Variants in PCDH11X observed in about 807,000 individuals in gnomAD.
The protein encoded by PCDH11X is protocadherin-11 X-linked.
A neutral mutation model predicts 53.3 loss-of-function variants in PCDH11X; 18 were observed. The observed-to-expected ratio is 0.34, with a 90% CI of 0.23 to 0.50. The LOEUF is 0.50. Ranked by LOEUF, PCDH11X falls within the 20% of genes least tolerant of loss-of-function variation. The pLI, the probability that PCDH11X is intolerant of heterozygous loss-of-function variation, is 0.98. For missense variants in PCDH11X, 570 were observed against 1,032.4 expected, an observed-to-expected ratio of 0.55 and a Z score of 6.14; for synonymous variants, 279 against 393.3, an observed-to-expected ratio of 0.71 and a Z score of 3.44.
chrX:92,299,915 C>G (rs1455832212), intron 8 of PCDH11X, among the ~76,000 whole-genome samples: 6 of 106,038 alleles, frequency 5.7e-5, no homozygotes, highest in Admixed American at 1.0e-4. Context: ...AAATTGAGAT[C>G]TTTCTAAGTT....
chrX:92,082,693 A>G (rs1602856044), intron 6 of PCDH11X, among the ~76,000 whole-genome samples: 1 of 110,641 alleles, frequency 9.0e-6, no homozygotes, highest in Non-Finnish European at 1.9e-5. Flanking sequence ...CTTAAATATG[A>G]AATGCTTTGG....
intron 6 of PCDH11X, among the ~76,000 whole-genome samples, chrX:92,105,237 A>G (rs2064351954): frequency 9.0e-6 from 1 of 111,338 alleles, no homozygotes; most frequent in Admixed American, 9.5e-5. Context: ...GAAAGGAGAA[A>G]GAGGTTGAGG....
chrX:91,853,367 A>G (rs1334309898), intron 5 of PCDH11X, among the ~76,000 whole-genome samples: 15 of 109,363 alleles, frequency 1.4e-4, no homozygotes, highest in Non-Finnish European at 9.5e-5. Context: ...CCCACTTCAT[A>G]AATAGAATAT....
rs1928430777 is a variant in PCDH11X at position 92,620,912 on chromosome X, C to G, written c.*1972C>G. On this transcript the variant is annotated 3_prime_UTR_variant, in exon 11 of 11. Coordinates refer to ENST00000682573, the MANE Select transcript of PCDH11X (RefSeq NM_032968.5). ...ATTTGAATGTTTATTAAATTATTAT[C>G]ATACAAATGTGTTGATATTGTGGCT... The G allele has an allele frequency of 9.2e-6, 1 of 108,698 alleles. No individual in the cohort carries two copies. The highest frequency in any genetic ancestry group is 1.0e-4 in the Admixed American group (1 of 9,989). The allele number at this position is 108,698 out of a possible 1,213,427, so 9.0% of individuals were successfully genotyped here.
chrX:91,937,128 T>C (rs1395331505), intron 6 of PCDH11X, among the ~76,000 whole-genome samples: 4 of 109,615 alleles, frequency 3.6e-5, no homozygotes, highest in African/African-American at 1.3e-4. Context: ...CTGACTTTTT[T>C]CATTCAACTG....
intron 4 of PCDH11X, among the ~76,000 whole-genome samples, chrX:91,822,197 C>A (rs1484953544): frequency 9.1e-6 from 1 of 109,995 alleles, no homozygotes; most frequent in East Asian, 2.8e-4. Flanking sequence ...ATAAAATGAG[C>A]TAGGGAGGAT....
At chrX:91,935,495 C>T (rs1188711258) in intron 6 of PCDH11X, among the ~76,000 whole-genome samples, 3 of 110,780 alleles carry the variant, frequency 2.7e-5, no homozygotes, top group Non-Finnish European at 3.8e-5. Context: ...ATTAATTTAA[C>T]GATACACTTT....
chrX:92,474,560 A>T (rs1603339337), intron 10 of PCDH11X, among the ~76,000 whole-genome samples: 1 of 85,887 alleles, frequency 1.2e-5, no homozygotes, highest in African/African-American at 4.5e-5. Flanking sequence ...AGTTAAGATG[A>T]TTTTCTCTGG....
At chrX:92,380,384 G>A (rs2070849124) in intron 8 of PCDH11X, among the ~76,000 whole-genome samples, 1 of 112,035 alleles carries the variant, frequency 8.9e-6, no homozygotes, top group African/African-American at 3.2e-5. Flanking sequence ...AGCCTGCCAA[G>A]CCGAGTGGGT....
rs370066805 is a variant in PCDH11X, at chrX:92,287,895, C to T, written c.3144+24752C>T. The T allele has an allele frequency of 4.0e-4, 203 of 504,682 alleles. 1 individual carries two copies. Among genetic ancestry groups the T allele is most frequent in the African/African-American group, 3.8e-3 (163 of 42,610 alleles). 41.6% of individuals were successfully genotyped at this position (504,682 alleles called of 1,213,427 possible). ...TCTTGTGATAGTGAGTTTGTTCTTACGAGATCTGGTTGTCTGAAAGTGTGT... is the reference window on the plus strand; with the variant it reads ...TCTTGTGATAGTGAGTTTGTTCTTATGAGATCTGGTTGTCTGAAAGTGTGT... On this transcript the variant is annotated intron_variant, in intron 8 of 10. Transcript: ENST00000682573.
At chrX:91,860,886 T>G (rs1469379315) in intron 5 of PCDH11X, among the ~76,000 whole-genome samples, 8 of 112,203 alleles carry the variant, frequency 7.1e-5, no homozygotes, top group African/African-American at 2.6e-4. Context: ...TCGGGATTTT[T>G]GTATTGATGT....
intron 6 of PCDH11X, among the ~76,000 whole-genome samples, chrX:91,903,691 G>A (rs149510535): frequency 0.038 from 4,130 of 108,453 alleles, 194 homozygotes; most frequent in African/African-American, 0.12. Context: ...GTGTGTGTGC[G>A]TGTATAAAAT....
At chrX:91,813,823 AT>A (rs1200485928) in intron 4 of PCDH11X, among the ~76,000 whole-genome samples, 1 of 109,977 alleles carries the variant, frequency 9.1e-6, no homozygotes, top group African/African-American at 3.3e-5. Flanking sequence ...TTTCTTCTGA[AT>A]AAAAATAGAG....
intron 6 of PCDH11X, among the ~76,000 whole-genome samples, chrX:91,919,663 A>G (rs1233604225): frequency 1.8e-5 from 2 of 111,356 alleles, no homozygotes; most frequent in Non-Finnish European, 3.8e-5. Context: ...ACCATTAGAA[A>G]GTTGTTCAAA....
intron 6 of PCDH11X, among the ~76,000 whole-genome samples, chrX:91,884,759 GA>G (rs1452118552): frequency 6.3e-5 from 7 of 110,803 alleles, no homozygotes; most frequent in Non-Finnish European, 1.3e-4. Flanking sequence ...GATAAAAAGG[GA>G]GTACAAAGGA....
chrX:92,463,204 T>G (rs145174052), intron 9 of PCDH11X, among the ~76,000 whole-genome samples: 3,684 of 111,280 alleles, frequency 0.033, 94 homozygotes, highest in African/African-American at 0.08. Context: ...TAATTAGTAT[T>G]TTTCAATAGG....
At chrX:92,544,190 T>G (rs1268421031) in intron 10 of PCDH11X, among the ~76,000 whole-genome samples, 1 of 111,512 alleles carries the variant, frequency 9.0e-6, no homozygotes, top group African/African-American at 3.3e-5. Context: ...TTGAGCATGA[T>G]TCACACATAC....
At chrX:92,486,726 TATAAGCA>T (rs1441949414) in intron 10 of PCDH11X, among the ~76,000 whole-genome samples, 1 of 110,811 alleles carries the variant, frequency 9.0e-6, no homozygotes, top group African/African-American at 3.3e-5. Flanking sequence ...CAAATATTGA[TATAAGCA>T]AATAAACTTA....
intron 7 of PCDH11X, among the ~76,000 whole-genome samples, chrX:92,217,031 C>G (rs994215388): frequency 1.2e-4 from 13 of 111,102 alleles, no homozygotes; most frequent in Non-Finnish European, 1.5e-4. Flanking sequence ...CAGGCCTTCT[C>G]TAAAAGAGCT....
Sources: gnomAD v4.1 joint callset for allele counts (sites outside exome capture counted in the v4.1 genomes callset) on GRCh38, gnomAD v4.1.1 for gene constraint, MANE v1.5 for transcripts, NCBI Gene and HGNC (gene_info 2026-07-23, HGNC 2026-07-21) for gene names.